The following NIT1 variants were observed in gnomAD, a reference collection of about 807,000 sequenced individuals.
NIT1 encodes deaminated glutathione amidase.
A neutral mutation model predicts 36.8 loss-of-function variants in NIT1; 30 were observed. The observed-to-expected ratio is 0.82, with a 90% CI of 0.61 to 1.11. The LOEUF (loss-of-function observed/expected upper bound fraction) is 1.11, where lower values mean the gene tolerates loss of function less well. Ranked by LOEUF, NIT1 falls within the 50% of genes least tolerant of loss-of-function variation. The probability of loss-of-function intolerance (pLI) is 0.00; values close to 1 mark genes in which losing one functional copy is unlikely to be tolerated. For missense variants in NIT1, 438 were observed against 410.6 expected (o/e 1.07, Z -0.58); for synonymous variants, 151 against 155.6 (o/e 0.97, Z 0.22).
In NIT1 at chr1:161,120,479, A is replaced by AAC; in HGVS notation, c.718-14_718-13dup. Reference sequence around the variant, plus strand: ...ACTATTTGCTACATGTACTTAAGTGAACACACATCTCATGCCCAGGTGTTG... The same window carrying AAC: ...ACTATTTGCTACATGTACTTAAGTGAACACACACATCTCATGCCCAGGTGTTG... On this transcript the variant is annotated intron_variant, in intron 6 of 6. Transcript: ENST00000368009. The AAC allele has an allele frequency of 1.9e-6, 3 of 1,610,974 alleles. No homozygotes were observed. The highest frequency in any genetic ancestry group is 2.5e-6 in the Non-Finnish European group (3 of 1,177,730).
At chr1:161,120,366 G>A in intron 6 of NIT1, 133 bp from the exon 7 acceptor site, 1 of 1,455,872 alleles carries the variant, frequency 6.9e-7, no homozygotes, top group South Asian at 1.3e-5. Context: ...CTCATGAATA[G>A]TTAAAATAGT....
Position 161,118,119 on chromosome 1 carries a change from T to C in NIT1, c.-58T>C. On this transcript the variant is annotated 5_prime_UTR_variant, in exon 1 of 7. Transcript: ENST00000368009. ...AGTTACCGCCCACTCGCTGCGGCGC[T>C]TCTGGCTCCAGACCGCCCTCCGGAT... 1 of 1,613,698 alleles carries C rather than the reference T, an allele frequency of 6.2e-7. No homozygotes were observed. The highest frequency in any genetic ancestry group is 1.1e-5 in the South Asian group (1 of 91,080).
At position 161,120,816 on chromosome 1, in the gene NIT1, C is replaced by G. The variant is rs1655413676; in HGVS notation, c.*51C>G. 6 of 1,576,904 alleles carry G rather than the reference C, an allele frequency of 3.8e-6. No individual in the cohort carries two copies. The highest frequency in any genetic ancestry group is 2.3e-5 in the South Asian group (2 of 85,212). ...TGCCCCTCCCACCCCCACCCTGCCA[C>G]TATGAGCTAGTGCTCATGTGACTTG... On this transcript the variant is annotated 3_prime_UTR_variant, in exon 7 of 7. Transcript: ENST00000368009.
At chr1:161,119,106 C>G (rs111413504) in intron 2 of NIT1, 28 bp from the exon 3 acceptor site, 49 of 1,608,774 alleles carry the variant, frequency 3.0e-5, no homozygotes, top group Non-Finnish European at 3.9e-5. Flanking sequence ...GCTATGAAAT[C>G]TGAGAATCCT....
At chr1:161,123,823 G>A (rs1421738658), downstream of NIT1, 1 of 1,600,810 alleles carries the variant, frequency 6.2e-7, no homozygotes, top group East Asian at 2.2e-5. Context: ...AGCAGGGGGA[G>A]TTAATGTCTT....
At chr1:161,122,671 A>G (rs943440103), downstream of NIT1, 11 of 1,110,926 alleles carry the variant, frequency 9.9e-6, no homozygotes, top group Admixed American at 8.4e-5. The surrounding 1 kb of genome is among the most constrained non-coding windows in gnomAD (Gnocchi z 4.2). Context: ...GACTATTTCT[A>G]TGTATCTCTG....
intron 6 of NIT1, 25 bp from the exon 7 acceptor site, chr1:161,120,474 A>C: frequency 6.2e-7 from 1 of 1,609,050 alleles, no homozygotes. Context: ...ACATGTACTT[A>C]AGTGAACACA....
intron 1 of NIT1, chr1:161,118,385 G>C: frequency 6.5e-7 from 1 of 1,528,416 alleles, no homozygotes; most frequent in Non-Finnish European, 8.8e-7. Flanking sequence ...GAGAGAGGGT[G>C]AACTTTCCCC....
rs2101716174 is a variant in NIT1, at chr1:161,118,864, A to G, written c.81A>G (p.Val27=). The change falls in exon 2 of 7, where the codon GTA becomes GTG. Residue 27 remains valine, a synonymous_variant. Coordinates refer to ENST00000368009, the MANE Select transcript of NIT1 (RefSeq NM_005600.3). ...CPGLRIPQLS[V]LCAQPRPRAM... is the part of the protein sequence containing the mutation. ...GACTCCGGATACCTCAACTCTCAGT[A>G]CTTTGTGCTCAGCCCAGGTAACACG... The G allele has an allele frequency of 1.9e-6, 3 of 1,613,708 alleles. No homozygotes were observed. The highest frequency in any genetic ancestry group is 1.6e-4 in the Middle Eastern group (1 of 6,062).
At position 161,119,741 on chromosome 1, in the gene NIT1, A is replaced by G. The variant is rs1655233519; in HGVS notation, c.458-78A>G. The G allele has an allele frequency of 4.4e-6, 7 of 1,579,154 alleles. No homozygotes were observed. In the South Asian group the frequency reaches 7.0e-5, roughly 16 times the overall value. Reference sequence around the variant, plus strand: ...GTGGTCCTACTTCAGTTCCTAGCCTATAAACTATCTCCTCCTTGGGAGGAG... The same window carrying G: ...GTGGTCCTACTTCAGTTCCTAGCCTGTAAACTATCTCCTCCTTGGGAGGAG... On this transcript the variant is annotated intron_variant, in intron 4 of 6. Transcript: ENST00000368009.
intron 2 of NIT1, 90 bp downstream of exon 2, chr1:161,118,971 C>A: frequency 7.5e-7 from 1 of 1,332,160 alleles, no homozygotes; most frequent in Non-Finnish European, 1.1e-6. Flanking sequence ...GTCAACTATC[C>A]ACACATTTGA....
chr1:161,118,963 C>A, intron 2 of NIT1, 82 bp downstream of exon 2: 1 of 1,330,754 alleles, frequency 7.5e-7, no homozygotes, highest in Non-Finnish European at 1.1e-6. Flanking sequence ...ACAGGAGTGT[C>A]AACTATCCAC....
At chr1:161,123,955 G>A (rs1248801531), downstream of NIT1, 3 of 1,612,870 alleles carry the variant, frequency 1.9e-6, no homozygotes, top group East Asian at 2.2e-5. Flanking sequence ...CACTGTAGGA[G>A]GAGAAGTAAT....
intron 1 of NIT1, 187 bp downstream of exon 1, chr1:161,118,365 G>A: frequency 6.6e-7 from 1 of 1,522,176 alleles, no homozygotes; most frequent in Non-Finnish European, 8.8e-7. Context: ...ACCAGGGAGG[G>A]GTGGGAGACG....
Position 161,118,199 on chromosome 1 carries a change from C to T in NIT1, c.2+21C>T. On this transcript the variant is annotated intron_variant, in intron 1 of 6. Coordinates refer to ENST00000368009, the MANE Select transcript of NIT1 (RefSeq NM_005600.3). Reference sequence around the variant, plus strand: ...TTCATGTAGGACCTACTCCCTATCCCGTCGGCCGCGGTGAATCCCACCTGC... The same window carrying T: ...TTCATGTAGGACCTACTCCCTATCCTGTCGGCCGCGGTGAATCCCACCTGC... 4 of 1,614,066 alleles carry T rather than the reference C, an allele frequency of 2.5e-6. No homozygotes were observed. The South Asian group carries it at 3.3e-5, about 13-fold the overall frequency.
chr1:161,118,347 C>T, intron 1 of NIT1, 169 bp downstream of exon 1: 1 of 1,520,618 alleles, frequency 6.6e-7, no homozygotes, highest in Non-Finnish European at 8.8e-7. Context: ...TTCCTTTGCC[C>T]CTTGCCCACC....
chr1:161,120,066 C>G (rs1291975820), intron 5 of NIT1, 41 bp from the exon 6 acceptor site: 1 of 1,612,532 alleles, frequency 6.2e-7, no homozygotes, highest in Admixed American at 1.7e-5. Context: ...CTGTGACAAA[C>G]AGAGCAGGAA....
chr1:161,123,093 T>C, downstream of NIT1: 1 of 1,614,182 alleles, frequency 6.2e-7, no homozygotes, highest in Non-Finnish European at 8.5e-7. Flanking sequence ...TGCTTCTCCT[T>C]GGGATCTGGT....
At position 161,120,122 on chromosome 1, in the gene NIT1, TG is replaced by T; in HGVS notation, c.608del (p.Cys203SerfsTer51). On this transcript the variant is annotated frameshift_variant, in exon 6 of 7. Coordinates refer to ENST00000368009, the MANE Select transcript of NIT1 (RefSeq NM_005600.3). LOFTEE classifies it high-confidence loss of function. ...TTCATTCCAGATTGGTCTAGCTGTC[TG>T]CTATGACATGCGGTTCCCTGAACTC... ...TPAGKIGLAVCYDMRFPELSL... is the reference protein window; with the variant it reads ...TPAGKIGLAVXYDMRFPELSL... The T allele has an allele frequency of 1.9e-6, 3 of 1,614,198 alleles. No homozygotes were observed. The highest frequency in any genetic ancestry group is 2.5e-6 in the Non-Finnish European group (3 of 1,180,026).
Sources: allele counts gnomAD v4.1 joint callset, GRCh38; gene constraint gnomAD v4.1.1; non-coding constraint Gnocchi (gnomAD v3.1); transcripts MANE v1.5; gene names NCBI Gene and HGNC (gene_info 2026-07-23, HGNC 2026-07-21).